The following STK38L variants were observed in gnomAD, a reference collection of about 807,000 sequenced individuals.
STK38L encodes serine/threonine-protein kinase 38-like.
In STK38L, 28 loss-of-function variants were observed where a neutral mutation model predicts 59.7. That is an observed-to-expected ratio of 0.47 (90% CI 0.35 to 0.64). STK38L has a LOEUF of 0.64. Ranked by LOEUF, STK38L falls within the 30% of genes least tolerant of loss-of-function variation. The probability of loss-of-function intolerance (pLI) is 0.01; values close to 1 mark genes in which losing one functional copy is unlikely to be tolerated. For synonymous variants in STK38L, 162 were observed against 176.8 expected, an observed-to-expected ratio of 0.92 and a Z score of 0.66; for missense variants, 314 against 555.8, an observed-to-expected ratio of 0.56 and a Z score of 4.37.
chr12:27,289,168 T>C (rs1943843220), intron 1 of STK38L, among the ~76,000 whole-genome samples: 1 of 152,190 alleles, frequency 6.6e-6, no homozygotes, highest in Non-Finnish European at 1.5e-5. Flanking sequence ...ATAGAACAAT[T>C]AAATTTTATA....
chr12:27,245,736 T>G (rs2136596114), intron 1 of STK38L: 1 of 152,138 alleles, frequency 6.6e-6, no homozygotes, highest in South Asian at 2.1e-4. Flanking sequence ...ATTATGATAT[T>G]ACATAATTTT....
intron 1 of STK38L, among the ~76,000 whole-genome samples, chr12:27,248,818 T>G (rs1369655757): frequency 6.6e-6 from 1 of 152,218 alleles, no homozygotes; most frequent in Non-Finnish European, 1.5e-5. Context: ...GTTTATATTA[T>G]TGAAATAAGA....
intron 1 of STK38L, among the ~76,000 whole-genome samples, chr12:27,248,599 A>G (rs1942907012): frequency 6.6e-6 from 1 of 152,142 alleles, no homozygotes; most frequent in African/African-American, 2.4e-5. Context: ...CAGACTCTTC[A>G]GCTTCTTTGT....
chr12:27,257,228 C>T (rs759936055), intron 1 of STK38L, among the ~76,000 whole-genome samples: 2 of 152,158 alleles, frequency 1.3e-5, no homozygotes, highest in Non-Finnish European at 2.9e-5. Flanking sequence ...GAAGCCAGCC[C>T]ATGTAATCAA....
At position 27,270,086 on chromosome 12, in the gene STK38L, G is replaced by A. The variant is rs565198626; in HGVS notation, c.-12+25754G>A. 9.9e-5 allele frequency among the ~76,000 whole-genome samples: 15 copies of A among 152,260 alleles called. No homozygotes were observed. In the East Asian group the frequency reaches 1.2e-3, roughly 12 times the overall value. ...TGATTGTAGATGCATTTGTCTCTCC[G>A]AATGTACTGGGATTATTTCGAAGAC... On this transcript the variant is annotated intron_variant, in intron 1 of 13. Transcript: ENST00000389032.
rs1372781442 is a variant in STK38L, at chr12:27,308,909, A to T, written c.310-205A>T. Among the ~76,000 whole-genome samples the T allele has an allele frequency of 6.8e-6, 1 of 146,178 alleles. No homozygotes were observed. Among genetic ancestry groups the T allele is most frequent in the Admixed American group, 6.9e-5 (1 of 14,532 alleles). On this transcript the variant is annotated intron_variant, in intron 4 of 13. Transcript: ENST00000389032. This position sits in a 1 kb window ranked among gnomAD's most constrained non-coding sequence, Gnocchi z 4.5. ...AAATGTAAATATATAAATATATATA[A>T]ATATATATTAATATATATAAAATAT...
At chr12:27,244,662 C>T (rs1274319234) in intron 1 of STK38L, among the ~76,000 whole-genome samples, 1 of 152,204 alleles carries the variant, frequency 6.6e-6, no homozygotes, top group Non-Finnish European at 1.5e-5. Context: ...TAACAAATGT[C>T]GCGGATCCTC....
In STK38L at chr12:27,323,087, T is replaced by A. The variant is rs1725768756; in HGVS notation, c.*632T>A. 6.6e-6 allele frequency: 1 copy of A among 152,210 alleles called. No individual in the cohort carries two copies. Among genetic ancestry groups the A allele is most frequent in the Admixed American group, 6.5e-5 (1 of 15,278 alleles). The allele number at this position is 152,210 out of a possible 1,614,324, so 9.4% of individuals were successfully genotyped here. On this transcript the variant is annotated 3_prime_UTR_variant, in exon 14 of 14. Coordinates refer to ENST00000389032, the MANE Select transcript of STK38L (RefSeq NM_015000.4). ...TTCACAGTAAGGAGTGACAAGTTTA[T>A]AATAAGGAAGACAAAGTTTAACACC... is the stretch of plus-strand genomic sequence containing the variant.
At chr12:27,262,469 C>A (rs1943221032) in intron 1 of STK38L, among the ~76,000 whole-genome samples, 1 of 151,978 alleles carries the variant, frequency 6.6e-6, no homozygotes, top group Non-Finnish European at 1.5e-5. Context: ...AATCGTAAAA[C>A]ATTACATTTT....
chr12:27,279,263 T>C (rs1404020659), intron 1 of STK38L, among the ~76,000 whole-genome samples: 1 of 152,236 alleles, frequency 6.6e-6, no homozygotes, highest in African/African-American at 2.4e-5. Flanking sequence ...AAGGAGCATC[T>C]TTTTATTATA....
chr12:27,263,677 G>C (rs1171872108), intron 1 of STK38L, among the ~76,000 whole-genome samples: 1 of 152,200 alleles, frequency 6.6e-6, no homozygotes, highest in Non-Finnish European at 1.5e-5. Flanking sequence ...ACTGAAGTTG[G>C]TCATTTCTCA....
At chr12:27,267,748 A>G (rs1943329749) in intron 1 of STK38L, among the ~76,000 whole-genome samples, 1 of 151,758 alleles carries the variant, frequency 6.6e-6, no homozygotes, top group African/African-American at 2.4e-5. Flanking sequence ...TCGAAACTAG[A>G]TATTCACAGC....
rs1442703033 is a variant in STK38L, at chr12:27,291,006, A to T, written c.-11-6704A>T. Among the ~76,000 whole-genome samples, 5 of 152,276 alleles carry T rather than the reference A, an allele frequency of 3.3e-5. No homozygotes were observed. In the East Asian group the frequency reaches 9.6e-4, roughly 29 times the overall value. ...GATCTGTACTTCCAGCCTTTTGGCCATCCTCCCTGTACCAGCATAATCTAT... is the reference window on the plus strand; with the variant it reads ...GATCTGTACTTCCAGCCTTTTGGCCTTCCTCCCTGTACCAGCATAATCTAT... On this transcript the variant is annotated intron_variant, in intron 1 of 13. Transcript: ENST00000389032.
At chr12:27,297,649 T>C in intron 1 of STK38L, 61 bp from the exon 2 acceptor site, 1 of 1,524,274 alleles carries the variant, frequency 6.6e-7, no homozygotes, top group Non-Finnish European at 8.8e-7. Flanking sequence ...TTTCAGAGTT[T>C]ATTATAAAAG....
In STK38L at chr12:27,281,943, G is replaced by A. The variant is rs781327302; in HGVS notation, c.-11-15767G>A. 1.2e-4 allele frequency among the ~76,000 whole-genome samples: 19 copies of A among 152,100 alleles called. No homozygotes were observed. In the East Asian group the frequency reaches 2.1e-3, roughly 17 times the overall value. ...CCCAGCTACTTGGGAGGCTGATACC[G>A]GAGAATTGCTTTAACCCGGGAGGCT... is the stretch of plus-strand genomic sequence containing the variant. On this transcript the variant is annotated intron_variant, in intron 1 of 13. Coordinates refer to ENST00000389032, the MANE Select transcript of STK38L (RefSeq NM_015000.4).
At chr12:27,267,775 A>G (rs906218228) in intron 1 of STK38L, among the ~76,000 whole-genome samples, 4 of 152,032 alleles carry the variant, frequency 2.6e-5, no homozygotes, top group African/African-American at 9.7e-5. Flanking sequence ...GGTTTTTGTT[A>G]GAGTATGAAG....
chr12:27,294,504 CAAAA>C (rs63041360), intron 1 of STK38L, among the ~76,000 whole-genome samples: 7 of 101,392 alleles, frequency 6.9e-5, no homozygotes, highest in Non-Finnish European at 1.3e-4. Context: ...GAAATTCTGT[CAAAA>C]AAAAAAAAAA....
Position 27,262,709 on chromosome 12 carries a change from T to TAA in STK38L, c.-12+18392_-12+18393dup, listed in dbSNP as rs11350734. Among the ~76,000 whole-genome samples, 12 of 133,056 alleles carry TAA rather than the reference T, an allele frequency of 9.0e-5. No individual in the cohort carries two copies. The East Asian group carries it at 1.8e-3, about 19-fold the overall frequency. 87.3% of individuals were successfully genotyped at this position (133,056 alleles called of 152,430 possible). On this transcript the variant is annotated intron_variant, in intron 1 of 13. Transcript: ENST00000389032. Reference sequence around the variant, plus strand: ...GATGGAGTGGGACTCTATCTCTAATTAAAAAAAAAAAAAAAAGGAATAATA... The same window carrying TAA: ...GATGGAGTGGGACTCTATCTCTAATTAAAAAAAAAAAAAAAAAAGGAATAATA...
chr12:27,270,522 T>G lies in STK38L; in HGVS notation c.-12+26190T>G, dbSNP rs147492546. Among the ~76,000 whole-genome samples, 93 of 152,112 alleles carry G rather than the reference T, an allele frequency of 6.1e-4. 1 individual carries two copies. The East Asian group carries it at 0.016, about 27-fold the overall frequency. On this transcript the variant is annotated intron_variant, in intron 1 of 13. Transcript: ENST00000389032. ...CCTCCCGAGTAGCAGGGATTACAGG[T>G]GTATGCCACCATGCCCAGCTAATTT...
Sources: gnomAD v4.1 joint callset for allele counts (sites outside exome capture counted in the v4.1 genomes callset) on GRCh38, gnomAD v4.1.1 for gene constraint, Gnocchi (gnomAD v3.1) non-coding constraint, MANE v1.5 for transcripts, NCBI Gene and HGNC (gene_info 2026-07-23, HGNC 2026-07-21) for gene names.